VOPP1: variants seen among roughly 807,000 people sequenced by gnomAD.
The protein encoded by VOPP1 is VOPP1 WW domain binding protein.
VOPP1 carries 8 observed loss-of-function variants against 23.5 expected under a neutral mutation model. The ratio of observed to expected loss-of-function variants is 0.34; its 90% CI spans 0.20 to 0.61. The LOEUF is 0.61. Ranked by LOEUF, VOPP1 falls within the 20% of genes least tolerant of loss-of-function variation. The pLI is 0.78. For synonymous variants in VOPP1, 83 were observed against 97.3 expected (o/e 0.85, Z 0.86); for missense variants, 174 against 238.1 (o/e 0.73, Z 1.77).
intron 3 of VOPP1, among the ~76,000 whole-genome samples, chr7:55,493,827 T>C (rs1793754566): frequency 6.6e-6 from 1 of 152,216 alleles, no homozygotes; most frequent in African/African-American, 2.4e-5. Context: ...GTGTGTGTGA[T>C]TGGGTAAAAT....
chr7:55,484,363 C>T (rs902660393), intron 4 of VOPP1, among the ~76,000 whole-genome samples: 6 of 152,212 alleles, frequency 3.9e-5, no homozygotes, highest in African/African-American at 1.4e-4. Flanking sequence ...CCTTGCCAGT[C>T]TTTCTTCACT....
intron 4 of VOPP1, among the ~76,000 whole-genome samples, chr7:55,445,448 T>C (rs1791078658): frequency 6.6e-6 from 1 of 152,234 alleles, no homozygotes; most frequent in Non-Finnish European, 1.5e-5. Context: ...ATTTTGATAA[T>C]ACTATGTTGC....
chr7:55,525,645 C>G (rs1011062279), intron 1 of VOPP1, among the ~76,000 whole-genome samples: 7 of 152,054 alleles, frequency 4.6e-5, no homozygotes, highest in African/African-American at 1.7e-4. Flanking sequence ...AAACAACTTC[C>G]AAGGTTCATC....
At chr7:55,563,255 G>C (rs1210135126) in intron 1 of VOPP1, among the ~76,000 whole-genome samples, 1 of 152,016 alleles carries the variant, frequency 6.6e-6, no homozygotes, top group East Asian at 1.9e-4. Context: ...ATTATTAGAA[G>C]AAAATTCTAT....
chr7:55,497,644 C>A lies in VOPP1; in HGVS notation c.160G>T (p.Ala54Ser), dbSNP rs1794064025. ...TACCACAGCCTCTGTATGGAGAGGG[C>A]CCGCACACAGCACCTGGAGCCACAG... ...DCCGSRCCVR[A>S]LSIQRLWYFW... The change falls in exon 3 of 5, where the codon GCC becomes TCC. Residue 54 changes from alanine to serine, a missense_variant. Physicochemically the swap from Ala to Ser is moderately conservative, Grantham distance 99. Transcript: ENST00000285279. The A allele has an allele frequency of 6.2e-7, 1 of 1,613,416 alleles. No homozygotes were observed. The highest frequency in any genetic ancestry group is 8.5e-7 in the Non-Finnish European group (1 of 1,179,754).
intron 4 of VOPP1, among the ~76,000 whole-genome samples, chr7:55,455,567 A>G (rs1446048772): frequency 6.6e-6 from 1 of 152,222 alleles, no homozygotes; most frequent in African/African-American, 2.4e-5. Context: ...ACAAGGCTAC[A>G]GTAACAAAAA....
At chr7:55,491,733 A>G (rs142019586) in intron 4 of VOPP1, among the ~76,000 whole-genome samples, 3 of 152,362 alleles carry the variant, frequency 2.0e-5, no homozygotes, top group Non-Finnish European at 4.4e-5. Flanking sequence ...GTTATGCACT[A>G]AACAGACTAC....
chr7:55,511,674 A>G (rs1416098756), intron 2 of VOPP1, among the ~76,000 whole-genome samples: 1 of 152,218 alleles, frequency 6.6e-6, no homozygotes, highest in Non-Finnish European at 1.5e-5. Flanking sequence ...TCAGAAACTC[A>G]AAAGAATGCA....
chr7:55,499,074 C>T lies in VOPP1; in HGVS notation c.114-1384G>A, dbSNP rs1222494415. Among the ~76,000 whole-genome samples, 3 of 152,186 alleles carry T rather than the reference C, an allele frequency of 2.0e-5. No individual in the cohort carries two copies. In the East Asian group the frequency reaches 5.8e-4, roughly 29 times the overall value. Reference sequence around the variant, plus strand: ...TCCCCTGGCCCATGAACATGAATCCCTACCCAGTACCCAAAGTGTTGTGAT... The same window carrying T: ...TCCCCTGGCCCATGAACATGAATCCTTACCCAGTACCCAAAGTGTTGTGAT... On this transcript the variant is annotated intron_variant, in intron 2 of 4. Transcript: ENST00000285279.
intron 1 of VOPP1, among the ~76,000 whole-genome samples, chr7:55,546,957 T>C (rs1220656612): frequency 2.6e-5 from 4 of 152,250 alleles, no homozygotes; most frequent in East Asian, 3.9e-4. Context: ...AAGGACAGCC[T>C]TCATTTCACT....
At chr7:55,546,320 T>C (rs905256242) in intron 1 of VOPP1, among the ~76,000 whole-genome samples, 5 of 152,210 alleles carry the variant, frequency 3.3e-5, no homozygotes, top group Non-Finnish European at 7.3e-5. Flanking sequence ...AAGTTGAGAA[T>C]AGTTGTACAA....
chr7:55,504,028 T>TA (rs1211673902), intron 2 of VOPP1, among the ~76,000 whole-genome samples: 3 of 152,226 alleles, frequency 2.0e-5, no homozygotes, highest in Non-Finnish European at 2.9e-5. Flanking sequence ...GGTCTGGAGA[T>TA]AGAGTTGGTG....
At chr7:55,520,976 G>A (rs1035209266) in intron 2 of VOPP1, 96 bp downstream of exon 2, 24 of 1,343,058 alleles carry the variant, frequency 1.8e-5, no homozygotes, top group Admixed American at 6.3e-5. Flanking sequence ...GGGCCACGCC[G>A]GGCTTTCCCC....
chr7:55,510,007 C>T (rs930108412), intron 2 of VOPP1, among the ~76,000 whole-genome samples: 1 of 152,154 alleles, frequency 6.6e-6, no homozygotes, highest in African/African-American at 2.4e-5. Context: ...TCATACTGTT[C>T]CTAGACCAAA....
At chr7:55,475,101 G>C (rs1163663351) in intron 4 of VOPP1, among the ~76,000 whole-genome samples, 1 of 152,236 alleles carries the variant, frequency 6.6e-6, no homozygotes, top group East Asian at 1.9e-4. Context: ...ACGGGTGGCA[G>C]CTGGAAGGCA....
chr7:55,524,515 A>G (rs538065320), intron 1 of VOPP1, among the ~76,000 whole-genome samples: 19 of 152,328 alleles, frequency 1.2e-4, no homozygotes, highest in African/African-American at 4.6e-4. Context: ...TCGTAATACT[A>G]CACACATGTA....
At chr7:55,526,241 G>A (rs534410304) in intron 1 of VOPP1, among the ~76,000 whole-genome samples, 1 of 152,366 alleles carries the variant, frequency 6.6e-6, no homozygotes, top group South Asian at 2.1e-4. Flanking sequence ...TCACACTGGA[G>A]AGGCCTGAAA....
intron 4 of VOPP1, among the ~76,000 whole-genome samples, chr7:55,458,177 G>C (rs888885916): frequency 1.3e-5 from 2 of 152,136 alleles, no homozygotes; most frequent in South Asian, 4.1e-4. Flanking sequence ...TTATCGAAGA[G>C]GGTATCCCTT....
chr7:55,462,823 T>G lies in VOPP1; in HGVS notation n.418-26649A>C, dbSNP rs1248263970. On this transcript the variant is annotated intron_variant and non_coding_transcript_variant, in intron 4 of 4. Transcript: ENST00000462326. The stretch of plus-strand genomic sequence containing the variant: ...GGCGCCCGCCACTACGCCCAGCTAA[T>G]TTTTTTGTATTTTTAGTAGAGACGG... 1.5e-4 allele frequency among the ~76,000 whole-genome samples: 22 copies of G among 151,516 alleles called. 2 individuals carry two copies. The highest frequency in any genetic ancestry group is 1.2e-4 in the Non-Finnish European group (8 of 67,784).
Sources: allele counts gnomAD v4.1 joint callset (sites outside exome capture counted in the v4.1 genomes callset), GRCh38; gene constraint gnomAD v4.1.1; transcripts MANE v1.5; gene names NCBI Gene and HGNC (gene_info 2026-07-23, HGNC 2026-07-21).